C1orf167: variants seen among roughly 807,000 people sequenced by gnomAD.
The protein encoded by C1orf167 is uncharacterized protein C1orf167.
In C1orf167, 153 loss-of-function variants were observed where a neutral mutation model predicts 176.5. That is an observed-to-expected ratio of 0.87 (90% CI 0.76 to 0.99). The LOEUF is 0.99. C1orf167 is among the 50% of genes least tolerant of loss of function. The probability of loss-of-function intolerance (pLI) is 0.00; values close to 1 mark genes in which losing one functional copy is unlikely to be tolerated. For synonymous variants in C1orf167, 594 were observed against 752.7 expected (o/e 0.79, Z 3.45); for missense variants, 1,490 against 1,817.7 (o/e 0.82, Z 3.28).
chr1:11,775,482 G>T lies in C1orf167; in HGVS notation c.2036G>T (p.Arg679Leu). ...QQFVQRGSRY[R>L]DHLADRRTGT... The stretch of plus-strand genomic sequence containing the variant: ...TTCGTGCAAAGAGGGTCCCGGTACC[G>T]AGACCACCTGGCTGACCGCCGGACG... The change falls in exon 9 of 21, where the codon CGA becomes CTA. Residue 679 changes from arginine (R) to leucine (L), a missense_variant. Arg to Leu is a moderately radical substitution (Grantham distance 102). Transcript: ENST00000688073. 1 of 1,304,142 alleles carries T rather than the reference G, an allele frequency of 7.7e-7. No individual in the cohort carries two copies. Among genetic ancestry groups the T allele is most frequent in the Non-Finnish European group, 1.0e-6 (1 of 988,914 alleles). 80.8% of individuals were successfully genotyped at this position (1,304,142 alleles called of 1,614,324 possible).
Position 11,779,939 on chromosome 1 carries a change from A to T in C1orf167, c.2789A>T (p.Glu930Val). The T allele has an allele frequency of 7.7e-7, 1 of 1,301,280 alleles. No homozygotes were observed. The highest frequency in any genetic ancestry group is 2.9e-4 in the Middle Eastern group (1 of 3,458). 80.6% of individuals were successfully genotyped at this position (1,301,280 alleles called of 1,614,324 possible). ...CGGCTGCTGCAGTCACGGCTGGTGG[A>T]GTGGTGGGCCCAGGAGCGGGGCTGG... ...RQRLLQSRLVEWWAQERGWRL... is the reference protein window; with the variant it reads ...RQRLLQSRLVVWWAQERGWRL... The change falls in exon 13 of 21, where the codon GAG becomes GTG. Residue 930 changes from glutamate (E) to valine (V), a missense_variant. Glu to Val is a moderately radical substitution (Grantham distance 121). Transcript: ENST00000688073.
Position 11,788,746 on chromosome 1 carries a change from G to A in C1orf167, c.4173G>A (p.Trp1391Ter). 7.7e-7 allele frequency: 1 copy of A among 1,304,132 alleles called. No individual in the cohort carries two copies. 80.8% of individuals were successfully genotyped at this position (1,304,132 alleles called of 1,614,324 possible). A position where few individuals can be genotyped will look rare whatever the true frequency, so the allele number is the denominator to read the frequency against. ...CAGCAGTTACAGCAGCAGGAAGATG[G>A]GTGGGTCCTTTCCCAGGTACTGCCC... The part of the protein sequence containing the change: ...SGSAVTAAGR[W>*]AFKKWHQRLA... The change falls in exon 20 of 21, where the codon TGG becomes TGA. Residue 1391 changes from tryptophan to a stop codon, truncating the protein, a stop_gained and splice_region_variant. Transcript: ENST00000688073. LOFTEE classifies it low-confidence loss of function (END_TRUNC).
In C1orf167 at chr1:11,765,867, A is replaced by G; in HGVS notation, c.81A>G (p.Arg27=). 2 of 1,193,062 alleles carry G rather than the reference A, an allele frequency of 1.7e-6. No individual in the cohort carries two copies. Among genetic ancestry groups the G allele is most frequent in the South Asian group, 1.5e-5 (1 of 65,174 alleles). 73.9% of individuals were successfully genotyped at this position (1,193,062 alleles called of 1,614,324 possible). A position where few individuals can be genotyped will look rare whatever the true frequency, so the allele number is the denominator to read the frequency against. The change falls in exon 3 of 21, where the codon AGA becomes AGG. Residue 27 remains arginine (R), a synonymous_variant. Coordinates refer to ENST00000688073, the MANE Select transcript of C1orf167 (RefSeq NM_001010881.2). ...CTCTCCTCTCTTTAGAGCAACGAAG[A>G]TTCCGGAGGAGCCTGGGCATCGGCC... ...PAALPKPEQR[R]FRRSLGIGLS...
At chr1:11,781,157 C>T (rs1643584684) in intron 13 of C1orf167, among the ~76,000 whole-genome samples, 1 of 152,040 alleles carries the variant, frequency 6.6e-6, no homozygotes, top group Non-Finnish European at 1.5e-5. Flanking sequence ...GCCACCACAC[C>T]TGGCTAATTT....
intron 4 of C1orf167, 73 bp downstream of exon 4, chr1:11,767,337 C>T: frequency 8.3e-7 from 1 of 1,201,526 alleles, no homozygotes. Context: ...TCCCATTTGC[C>T]TGTCCAAATG....
intron 4 of C1orf167, among the ~76,000 whole-genome samples, chr1:11,767,581 G>A (rs1642862283): frequency 1.3e-5 from 2 of 151,908 alleles, no homozygotes; most frequent in South Asian, 2.1e-4. Flanking sequence ...TCAACACTTC[G>A]GGAGACTGAG....
Position 11,779,090 on chromosome 1 carries a change from C to T in C1orf167, c.2651+10C>T. 1 of 1,230,856 alleles carries T rather than the reference C, an allele frequency of 8.1e-7. No homozygotes were observed. The highest frequency in any genetic ancestry group is 1.0e-6 in the Non-Finnish European group (1 of 956,384). 76.2% of individuals were successfully genotyped at this position (1,230,856 alleles called of 1,614,324 possible). A position where few individuals can be genotyped will look rare whatever the true frequency, so the allele number is the denominator to read the frequency against. ...ATACCCGCCAGAGGCGGTAGGGATC[C>T]CTCCCCATCCGCCCGCCACTCTATG... On this transcript the variant is annotated intron_variant, in intron 12 of 20. Coordinates refer to ENST00000688073, the MANE Select transcript of C1orf167 (RefSeq NM_001010881.2).
rs952382319 is a variant in C1orf167 at position 11,768,010 on chromosome 1, A to T, written c.1344-67A>T. On this transcript the variant is annotated intron_variant, in intron 4 of 20. Coordinates refer to ENST00000688073, the MANE Select transcript of C1orf167 (RefSeq NM_001010881.2). The surrounding 1 kb of genome is among the most constrained non-coding windows in gnomAD (Gnocchi z 4.5). ...TGGAAAGGCATCTCAGAGGGTATCC[A>T]GCCACTGGGCTGTCCCTGGGGATAG... 21 of 1,172,834 alleles carry T rather than the reference A, an allele frequency of 1.8e-5. No individual in the cohort carries two copies. In the African/African-American group the frequency reaches 3.3e-4, roughly 19 times the overall value. The allele number at this position is 1,172,834 out of a possible 1,614,324, so 72.7% of individuals were successfully genotyped here. A position where few individuals can be genotyped will look rare whatever the true frequency, so the allele number is the denominator to read the frequency against.
At chr1:11,787,690 T>C in intron 17 of C1orf167, 183 bp from the exon 18 acceptor site, 2 of 991,582 alleles carry the variant, frequency 2.0e-6, no homozygotes, top group Non-Finnish European at 2.6e-6. Flanking sequence ...GCCCCTGTGA[T>C]TTCTCTTTGG....
At chr1:11,786,210 T>G (rs1643864455) in intron 16 of C1orf167, 1 of 152,230 alleles carries the variant, frequency 6.6e-6, no homozygotes, top group African/African-American at 2.4e-5. Context: ...GATAAGAGGT[T>G]GATAGCCTAG....
chr1:11,779,198 T>C, intron 12 of C1orf167, 118 bp downstream of exon 12: 5 of 990,798 alleles, frequency 5.0e-6, no homozygotes, highest in Non-Finnish European at 6.5e-6. Flanking sequence ...CTCAGGGGGC[T>C]TCAGTTCCTC....
chr1:11,778,291 CAAAAAAAAA>C, intron 10 of C1orf167: 1 of 73,156 alleles, frequency 1.4e-5, no homozygotes, highest in Non-Finnish European at 2.6e-5. Context: ...GACCCTGTCT[CAAAAAAAAA>C]AAAAAAAAAA....
In C1orf167 at chr1:11,788,369, G is replaced by C. The variant is rs1178272337; in HGVS notation, c.4069G>C (p.Ala1357Pro). 1 of 1,293,568 alleles carries C rather than the reference G, an allele frequency of 7.7e-7. No individual in the cohort carries two copies. The highest frequency in any genetic ancestry group is 1.5e-5 in the African/African-American group (1 of 65,638). 80.1% of individuals were successfully genotyped at this position (1,293,568 alleles called of 1,614,324 possible). ...GGCPRGRAAGADPAQGVAPEM... is the reference protein window; with the variant it reads ...GGCPRGRAAGPDPAQGVAPEM... ...ATGCCCAAGGGGCAGAGCAGCTGGTGCGGACCCTGGTGAGTGGGTGCACCC... is the reference window on the plus strand; with the variant it reads ...ATGCCCAAGGGGCAGAGCAGCTGGTCCGGACCCTGGTGAGTGGGTGCACCC... The change falls in exon 19 of 21, where the codon GCG becomes CCG. Residue 1357 changes from alanine to proline, a missense_variant. Coordinates refer to ENST00000688073, the MANE Select transcript of C1orf167 (RefSeq NM_001010881.2).
Position 11,767,081 on chromosome 1 carries a change from C to T in C1orf167, c.1295C>T (p.Ser432Leu), listed in dbSNP as rs999068609. The T allele has an allele frequency of 8.1e-6, 10 of 1,241,814 alleles. No individual in the cohort carries two copies. The highest frequency in any genetic ancestry group is 5.7e-5 in the East Asian group (1 of 17,646). 76.9% of individuals were successfully genotyped at this position (1,241,814 alleles called of 1,614,324 possible). A position where few individuals can be genotyped will look rare whatever the true frequency, so the allele number is the denominator to read the frequency against. Residue 432 changes from serine (S) to leucine (L), a missense_variant, in exon 3 of 21, where the codon TCG becomes TTG. Physicochemically the swap from Ser to Leu is moderately radical, Grantham distance 145. Coordinates refer to ENST00000688073, the MANE Select transcript of C1orf167 (RefSeq NM_001010881.2). ...LSDTVPASSA[S>L]KNKAQNITAP... Reference sequence around the variant, plus strand: ...GACACAGTCCCAGCGAGCAGTGCGTCGAAGGTAGAGGCCCGGGGAGGCTGG... The same window carrying T: ...GACACAGTCCCAGCGAGCAGTGCGTTGAAGGTAGAGGCCCGGGGAGGCTGG...
In C1orf167 at chr1:11,784,712, G is replaced by T. The variant is rs547660323; in HGVS notation, c.3425+119G>T. 1,521 of 1,103,854 alleles carry T rather than the reference G, an allele frequency of 1.4e-3. 1 individual carries two copies. The highest frequency in any genetic ancestry group is 1.8e-3 in the Admixed American group (46 of 25,686). The allele number at this position is 1,103,854 out of a possible 1,614,324, so 68.4% of individuals were successfully genotyped here. ...GGTGGCAGGGCAAAGGCTCAAGAGG[G>T]TGGTTGGGGGTGACAGGGAGAGGCC... On this transcript the variant is annotated intron_variant, in intron 15 of 20. Transcript: ENST00000688073.
intron 15 of C1orf167, 134 bp from the exon 16 acceptor site, chr1:11,785,014 G>T: frequency 1.3e-6 from 1 of 772,856 alleles, no homozygotes; most frequent in Non-Finnish European, 1.7e-6. Flanking sequence ...TCCAGAAAAG[G>T]GAGTGTGGGA....
intron 9 of C1orf167, 91 bp downstream of exon 9, chr1:11,775,701 AG>A: frequency 8.1e-7 from 1 of 1,230,784 alleles, no homozygotes; most frequent in Non-Finnish European, 1.1e-6. Flanking sequence ...TTCTTGTGGG[AG>A]GTGATAGAAC....
rs1169942613 is a variant in C1orf167, at chr1:11,787,951, T to C, written c.3752T>C (p.Leu1251Pro). The C allele has an allele frequency of 1.5e-6, 2 of 1,304,074 alleles. No homozygotes were observed. The highest frequency in any genetic ancestry group is 2.0e-6 in the Non-Finnish European group (2 of 988,842). The allele number at this position is 1,304,074 out of a possible 1,614,324, so 80.8% of individuals were successfully genotyped here. The change falls in exon 18 of 21, where the codon CTG (leucine) becomes CCG (proline). Residue 1251 changes from leucine to proline, a missense_variant. Physicochemically the swap from Leu to Pro is moderately conservative, Grantham distance 98. Coordinates refer to ENST00000688073, the MANE Select transcript of C1orf167 (RefSeq NM_001010881.2). ...GGACAGAGTAGCTGGGTCCCAGGCCTGCCCCTGTGGACGAGGGACCAGGGA... is the reference window on the plus strand; with the variant it reads ...GGACAGAGTAGCTGGGTCCCAGGCCCGCCCCTGTGGACGAGGGACCAGGGA... The part of the protein sequence containing the change: ...WPGQSSWVPG[L>P]PLWTRDQGPR...
rs1402515735 is a variant in C1orf167 at position 11,785,170 on chromosome 1, TCGGCGGTGCG to T, written c.3457_3466del (p.Arg1153SerfsTer150). 3.1e-6 allele frequency: 4 copies of T among 1,291,222 alleles called. No individual in the cohort carries two copies. Among genetic ancestry groups the T allele is most frequent in the South Asian group, 2.5e-5 (2 of 80,972 alleles). 80.0% of individuals were successfully genotyped at this position (1,291,222 alleles called of 1,614,324 possible). A position where few individuals can be genotyped will look rare whatever the true frequency, so the allele number is the denominator to read the frequency against. On this transcript the variant is annotated frameshift_variant, in exon 16 of 21. Transcript: ENST00000688073. LOFTEE classifies it high-confidence loss of function. Reference sequence around the variant, plus strand: ...CAGGGTCCTAGAGGCCTCGGTGCAGTCGGCGGTGCGCGGCGGTGTCCAGCGAGCCATCCTC... The same window carrying T: ...CAGGGTCCTAGAGGCCTCGGTGCAGTCGGCGGTGTCCAGCGAGCCATCCTC...
Sources: gnomAD v4.1 joint callset for allele counts (sites outside exome capture counted in the v4.1 genomes callset) on GRCh38, gnomAD v4.1.1 for gene constraint, Gnocchi (gnomAD v3.1) non-coding constraint, MANE v1.5 for transcripts, NCBI Gene and HGNC (gene_info 2026-07-23, HGNC 2026-07-21) for gene names.